WDR17: variants seen among roughly 807,000 people sequenced by gnomAD.
The protein encoded by WDR17 is WD repeat domain 17, also known as WD repeat-containing protein 17.
A neutral mutation model predicts 161.7 loss-of-function variants in WDR17; 143 were observed. The ratio of observed to expected loss-of-function variants is 0.88; its 90% CI spans 0.77 to 1.02. WDR17 has a LOEUF of 1.02. Among genes scored for constraint, WDR17 ranks in the 50% least tolerant of loss-of-function variants. The probability of loss-of-function intolerance (pLI) is 0.00; values close to 1 mark genes in which losing one functional copy is unlikely to be tolerated. For synonymous variants in WDR17, 517 were observed against 515.6 expected (o/e 1.00, Z -0.04); for missense variants, 1,469 against 1,520.9 (o/e 0.97, Z 0.57).
intron 1 of WDR17, among the ~76,000 whole-genome samples, chr4:176,092,428 A>G (rs1736248997): frequency 6.6e-6 from 1 of 152,202 alleles, no homozygotes; most frequent in Non-Finnish European, 1.5e-5. Context: ...AAGTGGGTGT[A>G]GGAGGAACAT....
chr4:176,171,343 T>C (rs1750707412), intron 23 of WDR17, among the ~76,000 whole-genome samples: 1 of 152,188 alleles, frequency 6.6e-6, no homozygotes, highest in Non-Finnish European at 1.5e-5. Context: ...TGAGCATATA[T>C]CAAGGTGAAG....
Position 176,150,087 on chromosome 4 carries a change from G to A in WDR17, c.2092G>A (p.Val698Met). 1 of 1,614,032 alleles carries A rather than the reference G, an allele frequency of 6.2e-7. No individual in the cohort carries two copies. The highest frequency in any genetic ancestry group is 8.5e-7 in the Non-Finnish European group (1 of 1,179,970). Reference protein sequence around the residue: ...PGTPPLLCGKVSRDIRQEIEK... With the variant: ...PGTPPLLCGKMSRDIRQEIEK... ...CACTCCTCCTCTACTGTGTGGTAAAGTGTCAAGAGATATTAGACAGGAAAT... is the reference window on the plus strand; with the variant it reads ...CACTCCTCCTCTACTGTGTGGTAAAATGTCAAGAGATATTAGACAGGAAAT... The change falls in exon 15 of 29, where the codon GTG becomes ATG. Residue 698 changes from valine (V) to methionine (M), a missense_variant. Coordinates refer to ENST00000508596, the MANE Select transcript of WDR17 (RefSeq NM_181265.4).
rs1293966369 is a variant in WDR17, at chr4:176,142,086, C to A, written c.1529+17C>A. 4 of 1,590,978 alleles carry A rather than the reference C, an allele frequency of 2.5e-6. No individual in the cohort carries two copies. The highest frequency in any genetic ancestry group is 1.4e-5 in the African/African-American group (1 of 73,824). ...AAACAATAAGTAAGTGGTTTTTTTT[C>A]CTGAAATAAATAATAACTACATTTT... On this transcript the variant is annotated intron_variant, in intron 11 of 28. Coordinates refer to ENST00000508596, the MANE Select transcript of WDR17 (RefSeq NM_181265.4).
intron 11 of WDR17, 51 bp downstream of exon 11, chr4:176,142,120 TAAA>T: frequency 6.9e-7 from 1 of 1,445,416 alleles, no homozygotes; most frequent in Non-Finnish European, 9.7e-7. Flanking sequence ...TTGGAAATTT[TAAA>T]TAACCATAAA....
intron 23 of WDR17, among the ~76,000 whole-genome samples, chr4:176,171,634 C>T (rs1482948072): frequency 2.0e-5 from 3 of 152,088 alleles, no homozygotes; most frequent in Non-Finnish European, 4.4e-5. Context: ...TGTTTAGCAA[C>T]AAACTTGAAC....
chr4:176,157,476 T>G (rs1179606576), intron 18 of WDR17, among the ~76,000 whole-genome samples: 1 of 152,200 alleles, frequency 6.6e-6, no homozygotes, highest in Non-Finnish European at 1.5e-5. Context: ...ATTGTAGCCC[T>G]CAGATTTTAG....
intron 8 of WDR17, among the ~76,000 whole-genome samples, chr4:176,136,837 A>G (rs1744494641): frequency 6.6e-6 from 1 of 151,588 alleles, no homozygotes; most frequent in Non-Finnish European, 1.5e-5. Flanking sequence ...ATAATCATTT[A>G]TCATTAAGTA....
chr4:176,111,853 A>G, intron 2 of WDR17, 150 bp downstream of exon 2: 1 of 744,352 alleles, frequency 1.3e-6, no homozygotes, highest in Non-Finnish European at 1.8e-6. Flanking sequence ...TATACCGTAT[A>G]GGTTTTAAAA....
At position 176,172,622 on chromosome 4, in the gene WDR17, A is replaced by C. The variant is rs1750894407; in HGVS notation, c.3244+106A>C. 7.9e-6 allele frequency: 8 copies of C among 1,013,246 alleles called. No homozygotes were observed. The Admixed American group carries it at 2.5e-4, about 32-fold the overall frequency. 62.8% of individuals were successfully genotyped at this position (1,013,246 alleles called of 1,614,324 possible). A position where few individuals can be genotyped will look rare whatever the true frequency, so the allele number is the denominator to read the frequency against. On this transcript the variant is annotated intron_variant, in intron 24 of 28. Transcript: ENST00000508596. Reference sequence around the variant, plus strand: ...CATTTTTGCATTGCTATAAAGAAATACCTGAGGCTGGGTAATTTATAAAGA... The same window carrying C: ...CATTTTTGCATTGCTATAAAGAAATCCCTGAGGCTGGGTAATTTATAAAGA...
chr4:176,072,077 A>G (rs1044253291), intron 1 of WDR17, among the ~76,000 whole-genome samples: 5 of 152,192 alleles, frequency 3.3e-5, no homozygotes, highest in African/African-American at 1.2e-4. Context: ...AATGTAGGCT[A>G]GTACTGTACT....
chr4:176,098,448 G>A (rs1737249765), intron 1 of WDR17, among the ~76,000 whole-genome samples: 2 of 151,916 alleles, frequency 1.3e-5, no homozygotes, highest in South Asian at 4.2e-4. Context: ...ACCTTTATAT[G>A]TGACATATTT....
At chr4:176,084,949 A>G (rs1007335615) in intron 1 of WDR17, among the ~76,000 whole-genome samples, 3 of 151,566 alleles carry the variant, frequency 2.0e-5, no homozygotes, top group African/African-American at 7.3e-5. Flanking sequence ...ATGCTGTTCC[A>G]TTAGTCAGTT....
chr4:176,074,398 A>G (rs893472080), intron 1 of WDR17, among the ~76,000 whole-genome samples: 4 of 151,574 alleles, frequency 2.6e-5, no homozygotes, highest in African/African-American at 7.3e-5. Context: ...GATAATTGTG[A>G]TATATACTAC....
Position 176,103,299 on chromosome 4 carries a change from GAAAACAAAAACAATAAATA to G in WDR17, c.-6-8263_-6-8245del, listed in dbSNP as rs894381292. Among the ~76,000 whole-genome samples, 9 of 151,838 alleles carry G rather than the reference GAAAACAAAAACAATAAATA, an allele frequency of 5.9e-5. No individual in the cohort carries two copies. In the South Asian group the frequency reaches 1.2e-3, roughly 21 times the overall value. ...TTGACACAGACAGCCCACAACAATT[GAAAACAAAAACAATAAATA>G]AAAACAAAAACAGCAAACTCTGATT... On this transcript the variant is annotated intron_variant, in intron 1 of 28. Transcript: ENST00000508596.
rs991765609 is a variant in WDR17, at chr4:176,151,854, G to A, written c.2347G>A (p.Gly783Ser). Residue 783 changes from glycine to serine, a missense_variant, in exon 17 of 29, where the codon GGT becomes AGT. By Grantham distance (56) the Gly-to-Ser change is moderately conservative. Coordinates refer to ENST00000508596, the MANE Select transcript of WDR17 (RefSeq NM_181265.4). ...AACAACAGTCAAGATGTCTAAATTT[G>A]GTGGTGGTATTGGTGTACCTGCTAA... Reference protein sequence around the residue: ...ELTTVKMSKFGGGIGVPAKEE... With the variant: ...ELTTVKMSKFSGGIGVPAKEE... The A allele has an allele frequency of 6.2e-7, 1 of 1,607,072 alleles. No homozygotes were observed. Among genetic ancestry groups the A allele is most frequent in the South Asian group, 1.1e-5 (1 of 88,942 alleles).
At chr4:176,116,024 A>G (rs748792206) in intron 3 of WDR17, 45 bp downstream of exon 3, 2 of 1,533,894 alleles carry the variant, frequency 1.3e-6, no homozygotes, top group South Asian at 2.5e-5. Flanking sequence ...AAATATTTTT[A>G]TTTCAACAAG....
intron 9 of WDR17, among the ~76,000 whole-genome samples, chr4:176,139,659 A>G (rs1341038258): frequency 6.6e-6 from 1 of 151,978 alleles, no homozygotes; most frequent in African/African-American, 2.4e-5. Flanking sequence ...AAATGGAGCC[A>G]CCTGATTTAT....
At chr4:176,069,901 T>A (rs115727559) in intron 1 of WDR17, among the ~76,000 whole-genome samples, 1 of 152,206 alleles carries the variant, frequency 6.6e-6, no homozygotes, top group African/African-American at 2.4e-5. Flanking sequence ...TAACATTTAA[T>A]TAAGTTTGAT....
intron 1 of WDR17, among the ~76,000 whole-genome samples, chr4:176,073,858 A>G (rs1275626465): frequency 1.3e-5 from 2 of 151,998 alleles, no homozygotes; most frequent in African/African-American, 4.8e-5. Context: ...ATGGCCAGTG[A>G]TGATGAGCAT....
Sources: gnomAD v4.1 joint callset for allele counts (sites outside exome capture counted in the v4.1 genomes callset) on GRCh38, gnomAD v4.1.1 for gene constraint, MANE v1.5 for transcripts, NCBI Gene and HGNC (gene_info 2026-07-23, HGNC 2026-07-21) for gene names.